Variants in ZDHHC3 observed in about 807,000 individuals in gnomAD.
The protein encoded by ZDHHC3 is palmitoyltransferase ZDHHC3.
In ZDHHC3, 9 loss-of-function variants were observed where a neutral mutation model predicts 30.6. The ratio of observed to expected loss-of-function variants is 0.29; its 90% CI spans 0.18 to 0.51. ZDHHC3 has a LOEUF of 0.51. Among genes scored for constraint, ZDHHC3 ranks in the 20% least tolerant of loss-of-function variants. The pLI is 0.97. For synonymous variants in ZDHHC3, 136 were observed against 140.2 expected (o/e 0.97, Z 0.21); for missense variants, 246 against 384.2 (o/e 0.64, Z 3.01).
Position 44,919,712 on chromosome 3 carries a change from T to C in ZDHHC3, c.*6977A>G, listed in dbSNP as rs994063907. The C allele has an allele frequency of 3.4e-5, 8 of 232,640 alleles. No individual in the cohort carries two copies. Among genetic ancestry groups the C allele is most frequent in the Middle Eastern group, 2.2e-3 (1 of 448 alleles). The allele number at this position is 232,640 out of a possible 1,614,324, so 14.4% of individuals were successfully genotyped here. On this transcript the variant is annotated 3_prime_UTR_variant, in exon 7 of 7. Coordinates refer to ENST00000424952, the MANE Select transcript of ZDHHC3 (RefSeq NM_001135179.2). The stretch of plus-strand genomic sequence containing the variant: ...CATACATTAGTTAAGGGTATGGTGT[T>C]GCCAATGTCCAGGGTTTTATATTTG...
Position 44,932,911 on chromosome 3 carries a change from C to T in ZDHHC3, c.610+207G>A, listed in dbSNP as rs142993665. The T allele has an allele frequency of 1.2e-4, 188 of 1,614,008 alleles. 1 individual carries two copies. Among genetic ancestry groups the T allele is most frequent in the South Asian group, 2.6e-4 (24 of 91,080 alleles). The stretch of plus-strand genomic sequence containing the variant: ...CTGTCCAACTCATGACTTTACCTGT[C>T]GAACTGAAGTTAAGGGGCTGCATTT... On this transcript the variant is annotated intron_variant, in intron 5 of 6. Transcript: ENST00000424952.
intron 1 of ZDHHC3, among the ~76,000 whole-genome samples, chr3:44,972,416 T>C (rs1387424021): frequency 6.6e-6 from 1 of 152,218 alleles, no homozygotes; most frequent in Non-Finnish European, 1.5e-5. Context: ...TGAGCAGAGA[T>C]TGTGCCACCG....
At chr3:44,968,170 C>T (rs922331331) in intron 1 of ZDHHC3, among the ~76,000 whole-genome samples, 1 of 151,958 alleles carries the variant, frequency 6.6e-6, no homozygotes, top group Non-Finnish European at 1.5e-5. Flanking sequence ...GACAAATGCA[C>T]AAGCAGGAAA....
At chr3:44,963,443 G>A (rs1268260055) in intron 1 of ZDHHC3, among the ~76,000 whole-genome samples, 3 of 151,108 alleles carry the variant, frequency 2.0e-5, no homozygotes, top group African/African-American at 7.3e-5. Flanking sequence ...AACAAAAGTA[G>A]CTTTCAAGAA....
At position 44,922,929 on chromosome 3, in the gene ZDHHC3, T is replaced by C; in HGVS notation, c.*3760A>G. 1 of 985,318 alleles carries C rather than the reference T, an allele frequency of 1.0e-6. No homozygotes were observed. Among genetic ancestry groups the C allele is most frequent in the Non-Finnish European group, 1.2e-6 (1 of 829,890 alleles). The allele number at this position is 985,318 out of a possible 1,614,324, so 61.0% of individuals were successfully genotyped here. On this transcript the variant is annotated 3_prime_UTR_variant, in exon 7 of 7. Coordinates refer to ENST00000424952, the MANE Select transcript of ZDHHC3 (RefSeq NM_001135179.2). ...CTTCTAGGTGGGGCGCCTTCCCCTC[T>C]ACTGGCTGGCTCACCCTTTAAGCTG...
At chr3:44,951,867 T>C (rs1703484699) in intron 2 of ZDHHC3, among the ~76,000 whole-genome samples, 1 of 152,192 alleles carries the variant, frequency 6.6e-6, no homozygotes, top group Admixed American at 6.5e-5. Context: ...TCCTTCTCCC[T>C]GTCTGTGGGG....
intron 1 of ZDHHC3, among the ~76,000 whole-genome samples, chr3:44,971,244 A>AT (rs1170225958): frequency 1.3e-5 from 2 of 152,236 alleles, no homozygotes; most frequent in Admixed American, 6.5e-5. Context: ...ATACATATTC[A>AT]TATCTTGCCA....
At chr3:44,939,387 AGAGT>A (rs1157321573) in intron 3 of ZDHHC3, among the ~76,000 whole-genome samples, 1 of 152,248 alleles carries the variant, frequency 6.6e-6, no homozygotes, top group Non-Finnish European at 1.5e-5. Flanking sequence ...CAGACAGTGC[AGAGT>A]GAGTACTCCC....
Position 44,925,601 on chromosome 3 carries a change from T to C in ZDHHC3, c.*1088A>G, listed in dbSNP as rs1343719607. 7.1e-6 allele frequency: 7 copies of C among 985,270 alleles called. No individual in the cohort carries two copies. Among genetic ancestry groups the C allele is most frequent in the East Asian group, 1.1e-4 (1 of 8,826 alleles). 61.0% of individuals were successfully genotyped at this position (985,270 alleles called of 1,614,324 possible). ...CCAATGGGATGGCCATATGTCAACT[T>C]TGAAAGGGTGGGGACTGTGAGGTAA... On this transcript the variant is annotated 3_prime_UTR_variant, in exon 7 of 7. Coordinates refer to ENST00000424952, the MANE Select transcript of ZDHHC3 (RefSeq NM_001135179.2).
At chr3:44,955,406 T>C (rs1703845944) in intron 2 of ZDHHC3, among the ~76,000 whole-genome samples, 1 of 151,306 alleles carries the variant, frequency 6.6e-6, no homozygotes, top group Admixed American at 6.6e-5. Flanking sequence ...GGAATAATTA[T>C]TCCAAAGCTG....
At chr3:44,961,467 T>C (rs540569354) in intron 1 of ZDHHC3, among the ~76,000 whole-genome samples, 1 of 152,286 alleles carries the variant, frequency 6.6e-6, no homozygotes, top group African/African-American at 2.4e-5. Context: ...CAAAATTTTC[T>C]AACAGAGCAA....
intron 1 of ZDHHC3, among the ~76,000 whole-genome samples, chr3:44,962,968 C>T (rs908690772): frequency 2.6e-5 from 4 of 152,170 alleles, no homozygotes; most frequent in Admixed American, 1.3e-4. Flanking sequence ...ACCATATAGT[C>T]CTTGAGAGGA....
At position 44,924,024 on chromosome 3, in the gene ZDHHC3, G is replaced by A; in HGVS notation, c.*2665C>T. On this transcript the variant is annotated 3_prime_UTR_variant, in exon 7 of 7. Transcript: ENST00000424952. ...AGAGTTGACAGAAGGAAAGCAAGCTGGGGATCACAATCCAACAAGCCACAT... is the reference window on the plus strand; with the variant it reads ...AGAGTTGACAGAAGGAAAGCAAGCTAGGGATCACAATCCAACAAGCCACAT... 1.0e-6 allele frequency: 1 copy of A among 985,432 alleles called. No homozygotes were observed. 61.0% of individuals were successfully genotyped at this position (985,432 alleles called of 1,614,324 possible).
intron 2 of ZDHHC3, among the ~76,000 whole-genome samples, chr3:44,945,966 C>T (rs1316663573): frequency 6.6e-6 from 1 of 152,186 alleles, no homozygotes; most frequent in Non-Finnish European, 1.5e-5. Context: ...TATATAACAG[C>T]AAGGATTTGG....
chr3:44,928,355 G>A (rs941260090), intron 6 of ZDHHC3, among the ~76,000 whole-genome samples: 3 of 152,112 alleles, frequency 2.0e-5, no homozygotes, highest in African/African-American at 4.8e-5. Flanking sequence ...AGGGGAAGGC[G>A]CCCAGCAGCA....
chr3:44,942,228 G>A (rs1160042660), intron 3 of ZDHHC3, among the ~76,000 whole-genome samples: 1 of 152,284 alleles, frequency 6.6e-6, no homozygotes, highest in Non-Finnish European at 1.5e-5. Context: ...CAGGCAGGCA[G>A]CCTCTGGGCT....
Position 44,923,028 on chromosome 3 carries a change from C to A in ZDHHC3, c.*3661G>T. The stretch of plus-strand genomic sequence containing the variant: ...GCTGAGAAAGCCCATCCCAGCCCAC[C>A]CGGAGAGGAGTTTCTGTGTAATGCC... On this transcript the variant is annotated 3_prime_UTR_variant, in exon 7 of 7. Coordinates refer to ENST00000424952, the MANE Select transcript of ZDHHC3 (RefSeq NM_001135179.2). 1.0e-6 allele frequency: 1 copy of A among 985,000 alleles called. No homozygotes were observed. The highest frequency in any genetic ancestry group is 1.2e-6 in the Non-Finnish European group (1 of 829,882). 61.0% of individuals were successfully genotyped at this position (985,000 alleles called of 1,614,324 possible).
intron 2 of ZDHHC3, among the ~76,000 whole-genome samples, chr3:44,953,483 A>G (rs573158147): frequency 4.1e-4 from 62 of 152,304 alleles, no homozygotes; most frequent in African/African-American, 1.4e-3. Context: ...GTTCTAAAGA[A>G]ATGCCAATAA....
intron 2 of ZDHHC3, among the ~76,000 whole-genome samples, chr3:44,952,829 A>G (rs2125890171): frequency 6.6e-6 from 1 of 152,346 alleles, no homozygotes; most frequent in East Asian, 1.9e-4. Context: ...TCCAAGGCAG[A>G]ACCCATTACT....
Sources: gnomAD v4.1 joint callset for allele counts (sites outside exome capture counted in the v4.1 genomes callset) on GRCh38, gnomAD v4.1.1 for gene constraint, MANE v1.5 for transcripts, NCBI Gene and HGNC (gene_info 2026-07-23, HGNC 2026-07-21) for gene names.